The following MINK1 variants were observed in gnomAD, a reference collection of about 807,000 sequenced individuals.
The protein encoded by MINK1 is misshapen like kinase 1, also known as misshapen-like kinase 1.
In MINK1, 46 loss-of-function variants were observed where a neutral mutation model predicts 178.4. That is an observed-to-expected ratio of 0.26 (90% CI 0.20 to 0.33). The LOEUF (loss-of-function observed/expected upper bound fraction) is 0.33, where lower values mean the gene tolerates loss of function less well. MINK1 is among the 10% of genes least tolerant of loss of function. MINK1 has a pLI of 1.00. For synonymous variants in MINK1, 797 were observed against 709.7 expected, an observed-to-expected ratio of 1.12 and a Z score of -1.96; for missense variants, 1,366 against 1,814.9, an observed-to-expected ratio of 0.75 and a Z score of 4.49.
intron 15 of MINK1, 100 bp downstream of exon 15, chr17:4,891,224 A>C (rs923254058): frequency 7.5e-6 from 8 of 1,063,392 alleles, no homozygotes; most frequent in African/African-American, 3.2e-5. Context: ...ACACACACAC[A>C]CCTGCTCAGC....
chr17:4,859,103 T>G (rs1363063371), intron 1 of MINK1: 5 of 984,282 alleles, frequency 5.1e-6, no homozygotes, highest in Admixed American at 6.1e-5. Flanking sequence ...CCGGGGCATA[T>G]CTGAGTGAAT....
intron 1 of MINK1, among the ~76,000 whole-genome samples, chr17:4,863,965 T>C (rs1401540344): frequency 1.3e-5 from 2 of 152,028 alleles, no homozygotes. Flanking sequence ...ATTTTTGTAT[T>C]TTTAGTAGAG....
intron 13 of MINK1, 63 bp downstream of exon 13, chr17:4,889,826 G>A: frequency 8.7e-7 from 1 of 1,149,872 alleles, no homozygotes; most frequent in South Asian, 1.5e-5. Context: ...TGCCGCCCCT[G>A]CTCCCCGTGC....
intron 1 of MINK1, chr17:4,854,802 TA>T: frequency 2.1e-6 from 1 of 485,938 alleles, no homozygotes; most frequent in South Asian, 1.5e-5. Flanking sequence ...GGATTCAGAA[TA>T]AAAAGATCCG....
At chr17:4,837,199 C>A (rs901024798) in intron 1 of MINK1, among the ~76,000 whole-genome samples, 1 of 152,242 alleles carries the variant, frequency 6.6e-6, no homozygotes, top group Middle Eastern at 3.4e-3. Flanking sequence ...ACAACAACAA[C>A]AACTACAACA....
At chr17:4,856,517 G>A (rs1011626275) in intron 1 of MINK1, among the ~76,000 whole-genome samples, 2 of 152,110 alleles carry the variant, frequency 1.3e-5, no homozygotes, top group Admixed American at 1.3e-4. Context: ...AGCGCGGGCT[G>A]GAGAGGGTGG....
At chr17:4,850,726 C>T (rs1430413381) in intron 1 of MINK1, among the ~76,000 whole-genome samples, 4 of 152,138 alleles carry the variant, frequency 2.6e-5, no homozygotes, top group Non-Finnish European at 5.9e-5. Context: ...TCTCTAGTCT[C>T]TTCCTTGGGT....
intron 12 of MINK1, 109 bp from the exon 13 acceptor site, chr17:4,889,538 C>T (rs1486247002): frequency 1.0e-6 from 1 of 978,510 alleles, no homozygotes; most frequent in East Asian, 2.6e-5. Context: ...GCCGGTCTCT[C>T]TTACCACCCT....
Position 4,896,014 on chromosome 17 carries a change from C to T in MINK1, c.3376C>T (p.Arg1126Trp), listed in dbSNP as rs1269514981. Residue 1126 changes from arginine (R) to tryptophan (W), a missense_variant, in exon 28 of 32, where the codon CGG (arginine) becomes TGG (tryptophan). Arg to Trp is a moderately radical substitution (Grantham distance 101). Coordinates refer to ENST00000355280, the MANE Select transcript of MINK1 (RefSeq NM_153827.5). The surrounding 1 kb of genome is among the most constrained non-coding windows in gnomAD (Gnocchi z 4.6). ...CGHYRVVKYE[R>W]IKFLVIALKS... Reference sequence around the variant, plus strand: ...TCTCCCGCCCCCAGTGAAATACGAGCGGATTAAGTTCCTGGTCATCGCCCT... The same window carrying T: ...TCTCCCGCCCCCAGTGAAATACGAGTGGATTAAGTTCCTGGTCATCGCCCT... 1.3e-6 allele frequency: 2 copies of T among 1,598,212 alleles called. No individual in the cohort carries two copies. Among genetic ancestry groups the T allele is most frequent in the African/African-American group, 1.3e-5 (1 of 74,482 alleles).
chr17:4,886,069 T>C lies in MINK1; in HGVS notation c.695-51T>C. 6.2e-7 allele frequency: 1 copy of C among 1,609,884 alleles called. No individual in the cohort carries two copies. On this transcript the variant is annotated intron_variant, in intron 8 of 31. Transcript: ENST00000355280. This position sits in a 1 kb window ranked among gnomAD's most constrained non-coding sequence, Gnocchi z 6.1. ...CTGGGACCCTGCCGAGGAAGGGTCCTGTAGCTCCCAGTGCAGTGAAAGGGA... is the reference window on the plus strand; with the variant it reads ...CTGGGACCCTGCCGAGGAAGGGTCCCGTAGCTCCCAGTGCAGTGAAAGGGA...
rs535617456 is a variant in MINK1, at chr17:4,887,256, G to A, written c.1019+77G>A. 1.2e-4 allele frequency: 167 copies of A among 1,432,780 alleles called. 2 individuals carry two copies. In the South Asian group the frequency reaches 1.8e-3, roughly 15 times the overall value. 88.8% of individuals were successfully genotyped at this position (1,432,780 alleles called of 1,614,324 possible). The stretch of plus-strand genomic sequence containing the variant: ...GACTACAGTGGTGCTTGGCTTTGGG[G>A]ACTCTCAGCCTGGGGGTGGTGGGCA... On this transcript the variant is annotated intron_variant, in intron 11 of 31. Coordinates refer to ENST00000355280, the MANE Select transcript of MINK1 (RefSeq NM_153827.5). The surrounding 1 kb of genome is among the most constrained non-coding windows in gnomAD (Gnocchi z 7.6).
rs1967637791 is a variant in MINK1 at position 4,880,883 on chromosome 17, G to A, written c.124-101G>A. 3.3e-6 allele frequency: 4 copies of A among 1,218,458 alleles called. No homozygotes were observed. In the African/African-American group the frequency reaches 4.6e-5, roughly 14 times the overall value. 75.5% of individuals were successfully genotyped at this position (1,218,458 alleles called of 1,614,324 possible). On this transcript the variant is annotated intron_variant, in intron 2 of 31. Coordinates refer to ENST00000355280, the MANE Select transcript of MINK1 (RefSeq NM_153827.5). The stretch of plus-strand genomic sequence containing the variant: ...CCACTGCACTCTAGTCTGGGCGACA[G>A]AGCGAGACCCTGTCTCAAAAAAAAA...
intron 1 of MINK1, among the ~76,000 whole-genome samples, chr17:4,866,990 G>A (rs893620114): frequency 2.7e-5 from 4 of 150,150 alleles, no homozygotes; most frequent in Admixed American, 6.7e-5. Flanking sequence ...GGACAATGGC[G>A]TGAACCCGGG....
intron 1 of MINK1, among the ~76,000 whole-genome samples, chr17:4,835,448 G>A (rs961406156): frequency 6.6e-6 from 1 of 152,138 alleles, no homozygotes; most frequent in African/African-American, 2.4e-5. Context: ...CCAACACTGT[G>A]AAACCCCATC....
chr17:4,865,386 A>G (rs892616194), intron 1 of MINK1, among the ~76,000 whole-genome samples: 7 of 152,092 alleles, frequency 4.6e-5, no homozygotes, highest in Non-Finnish European at 1.0e-4. Flanking sequence ...GTGAGCCGAG[A>G]TCGCGCCATT....
Position 4,889,856 on chromosome 17 carries a change from C to T in MINK1, c.1347+93C>T, listed in dbSNP as rs1057020035. The T allele has an allele frequency of 1.1e-5, 10 of 885,458 alleles. No homozygotes were observed. In the Admixed American group the frequency reaches 1.4e-4, roughly 12 times the overall value. The allele number at this position is 885,458 out of a possible 1,614,324, so 54.9% of individuals were successfully genotyped here. On this transcript the variant is annotated intron_variant, in intron 13 of 31. Coordinates refer to ENST00000355280, the MANE Select transcript of MINK1 (RefSeq NM_153827.5). ...CCGTGCCCTTCCCCCTTCTCTCCCC[C>T]ACCCCCAGATTCCTCCTATCTTTTC...
chr17:4,875,130 T>G, intron 1 of MINK1: 1 of 520,080 alleles, frequency 1.9e-6, no homozygotes, highest in Non-Finnish European at 3.8e-6. Flanking sequence ...GATGAGTTCT[T>G]CTGTTGGGGA....
intron 2 of MINK1, among the ~76,000 whole-genome samples, chr17:4,879,982 C>A (rs1967545113): frequency 6.6e-6 from 1 of 152,162 alleles, no homozygotes; most frequent in Admixed American, 6.6e-5. Flanking sequence ...AAGCCCCTCC[C>A]TCCCTAGCCT....
chr17:4,851,999 C>CAAAAAAAAAAAA (rs535581252), intron 1 of MINK1, among the ~76,000 whole-genome samples: 5 of 69,446 alleles, frequency 7.2e-5, no homozygotes, highest in African/African-American at 2.6e-4. Context: ...GACTCTGTCT[C>CAAAAAAAAAAAA]AAAAAAAAAA....
Sources: allele counts gnomAD v4.1 joint callset (sites outside exome capture counted in the v4.1 genomes callset), GRCh38; gene constraint gnomAD v4.1.1; non-coding constraint Gnocchi (gnomAD v3.1); transcripts MANE v1.5; gene names NCBI Gene and HGNC (gene_info 2026-07-23, HGNC 2026-07-21).